The following RASSF8 variants were observed in gnomAD, a reference collection of about 807,000 sequenced individuals.
The protein encoded by RASSF8 is Ras association domain family member 8.
RASSF8 carries 22 observed loss-of-function variants against 48.5 expected under a neutral mutation model. That is an observed-to-expected ratio of 0.45 (90% confidence interval 0.32 to 0.65). The LOEUF (loss-of-function observed/expected upper bound fraction) is 0.65, where lower values mean the gene tolerates loss of function less well. Ranked by LOEUF, RASSF8 falls within the 30% of genes least tolerant of loss-of-function variation. RASSF8 has a pLI of 0.03. For missense variants in RASSF8, 418 were observed against 489.2 expected (o/e 0.85, Z 1.37); for synonymous variants, 127 against 171.5 (o/e 0.74, Z 2.03).
intron 2 of RASSF8, among the ~76,000 whole-genome samples, chr12:26,054,878 ACT>A (rs1401150271): frequency 6.6e-6 from 1 of 152,180 alleles, no homozygotes; most frequent in East Asian, 1.9e-4. Context: ...AAAATGACAA[ACT>A]TTTTTTCTTT....
At chr12:25,968,377 C>T (rs570041972) in intron 1 of RASSF8, among the ~76,000 whole-genome samples, 22 of 152,280 alleles carry the variant, frequency 1.4e-4, no homozygotes, top group African/African-American at 5.3e-4. Flanking sequence ...GAGTCTCGCT[C>T]TGTCGCCCAG....
chr12:25,969,663 A>T (rs941616488), intron 1 of RASSF8, among the ~76,000 whole-genome samples: 2 of 152,106 alleles, frequency 1.3e-5, no homozygotes, highest in South Asian at 4.2e-4. Flanking sequence ...GGAGGATTGG[A>T]TCTGCTTTTC....
At chr12:26,022,834 C>A (rs957750199) in intron 2 of RASSF8, among the ~76,000 whole-genome samples, 1 of 152,018 alleles carries the variant, frequency 6.6e-6, no homozygotes, top group Non-Finnish European at 1.5e-5. Flanking sequence ...TTCCGCCTCC[C>A]GGGTTCAAGC....
chr12:26,018,871 C>A (rs1242673757), intron 2 of RASSF8, among the ~76,000 whole-genome samples: 1 of 152,138 alleles, frequency 6.6e-6, no homozygotes, highest in East Asian at 1.9e-4. Context: ...CCAAACTTGC[C>A]CAGTAAGCCT....
chr12:25,994,082 T>G (rs1230582608), intron 1 of RASSF8, among the ~76,000 whole-genome samples: 1 of 152,176 alleles, frequency 6.6e-6, no homozygotes, highest in Non-Finnish European at 1.5e-5. Context: ...GGACTAACTT[T>G]CCCCTTCCTC....
downstream of RASSF8, among the ~76,000 whole-genome samples, chr12:26,075,201 C>T (rs1480648134): frequency 6.6e-6 from 1 of 152,162 alleles, no homozygotes; most frequent in African/African-American, 2.4e-5. Flanking sequence ...ATCAAAGATA[C>T]TCCAGGTGTT....
chr12:26,077,334 C>A (rs1591828095), downstream of RASSF8, among the ~76,000 whole-genome samples: 6 of 152,244 alleles, frequency 3.9e-5, no homozygotes, highest in South Asian at 1.2e-3. Flanking sequence ...GAACTCCTTG[C>A]CCATGCCTAG....
At chr12:25,981,493 C>A (rs1262235066) in intron 1 of RASSF8, among the ~76,000 whole-genome samples, 1 of 152,156 alleles carries the variant, frequency 6.6e-6, no homozygotes, top group Non-Finnish European at 1.5e-5. Flanking sequence ...TCCTGGTTGG[C>A]AACTCCAGGA....
chr12:25,995,430 C>T (rs1259562630), intron 2 of RASSF8, among the ~76,000 whole-genome samples: 1 of 152,154 alleles, frequency 6.6e-6, no homozygotes, highest in African/African-American at 2.4e-5. Flanking sequence ...TATTTCAAAG[C>T]TGTGTGTCAC....
intron 1 of RASSF8, among the ~76,000 whole-genome samples, chr12:25,964,057 T>A (rs928334900): frequency 3.9e-5 from 6 of 152,238 alleles, no homozygotes; most frequent in African/African-American, 1.4e-4. Flanking sequence ...ATTTGCCTCG[T>A]GTAGGCCCTC....
At chr12:25,967,327 T>G (rs1941382839) in intron 1 of RASSF8, among the ~76,000 whole-genome samples, 1 of 152,230 alleles carries the variant, frequency 6.6e-6, no homozygotes, top group Admixed American at 6.5e-5. Flanking sequence ...TAATAAAGTC[T>G]GGTGATGAGG....
chr12:25,959,372 C>G (rs976818734), intron 1 of RASSF8: 1 of 152,340 alleles, frequency 6.6e-6, no homozygotes, highest in Non-Finnish European at 1.5e-5. Flanking sequence ...GGCACACAAG[C>G]CGCGGACTGA....
At chr12:25,991,192 T>C (rs2343200) in intron 1 of RASSF8, among the ~76,000 whole-genome samples, 17,316 of 151,906 alleles carry the variant, frequency 0.11, 1,314 homozygotes, top group Admixed American at 0.19. Context: ...TCTTCTGTTG[T>C]TTAAAAAAAA....
At chr12:26,076,142 C>T (rs1243605761), downstream of RASSF8, among the ~76,000 whole-genome samples, 5 of 152,158 alleles carry the variant, frequency 3.3e-5, no homozygotes, top group Non-Finnish European at 7.4e-5. Flanking sequence ...CCCTAGTCTT[C>T]TCTTTCCCAG....
At chr12:26,005,200 TTTTTG>T (rs1020968720) in intron 2 of RASSF8, among the ~76,000 whole-genome samples, 5 of 151,630 alleles carry the variant, frequency 3.3e-5, no homozygotes, top group South Asian at 2.1e-4. Flanking sequence ...TTACACTAGG[TTTTTG>T]TTTTGTTTTG....
intron 1 of RASSF8, among the ~76,000 whole-genome samples, chr12:25,967,384 T>G (rs1308467994): frequency 6.6e-6 from 1 of 152,216 alleles, no homozygotes; most frequent in Non-Finnish European, 1.5e-5. Flanking sequence ...ATACACTTTT[T>G]AAAAAATGTT....
chr12:26,026,548 G>C (rs967784715), intron 2 of RASSF8, among the ~76,000 whole-genome samples: 2 of 152,052 alleles, frequency 1.3e-5, no homozygotes, highest in Non-Finnish European at 2.9e-5. Flanking sequence ...TGACTTTCCT[G>C]CCTCAGCCTC....
chr12:26,046,690 A>G (rs1251074651), intron 2 of RASSF8, among the ~76,000 whole-genome samples: 2 of 152,080 alleles, frequency 1.3e-5, no homozygotes, highest in African/African-American at 4.8e-5. Flanking sequence ...AATAGTATTT[A>G]TATAAAACAG....
intron 2 of RASSF8, among the ~76,000 whole-genome samples, chr12:26,041,100 G>A (rs1050770622): frequency 5.9e-5 from 9 of 151,688 alleles, no homozygotes. Flanking sequence ...CACCTTGTTA[G>A]CCAGGATGGT....
Sources: gnomAD v4.1 joint callset for allele counts (sites outside exome capture counted in the v4.1 genomes callset) on GRCh38, gnomAD v4.1.1 for gene constraint, MANE v1.5 for transcripts, NCBI Gene and HGNC (gene_info 2026-07-23, HGNC 2026-07-21) for gene names.